Variants in ERC1 observed in about 807,000 individuals in gnomAD.
ERC1 encodes RAB6 interacting protein 2.
A neutral mutation model predicts 132.0 loss-of-function variants in ERC1; 56 were observed. The ratio of observed to expected loss-of-function variants is 0.42; its 90% confidence interval spans 0.34 to 0.53. The LOEUF (loss-of-function observed/expected upper bound fraction) is 0.53, where lower values mean the gene tolerates loss of function less well. Among genes scored for constraint, ERC1 ranks in the 20% least tolerant of loss-of-function variants. ERC1 has a pLI of 0.03. For synonymous variants in ERC1, 478 were observed against 476.1 expected (o/e 1.00, Z -0.05); for missense variants, 1,202 against 1,349.9 (o/e 0.89, Z 1.72).
intron 12 of ERC1, among the ~76,000 whole-genome samples, chr12:1,223,652 T>C (rs1020370987): frequency 6.6e-6 from 1 of 152,236 alleles, no homozygotes; most frequent in African/African-American, 2.4e-5. Flanking sequence ...TCTTACACTT[T>C]TGTTTGCTTA....
At chr12:1,285,944 A>G (rs2079014884) in intron 14 of ERC1, among the ~76,000 whole-genome samples, 1 of 152,214 alleles carries the variant, frequency 6.6e-6, no homozygotes, top group Admixed American at 6.5e-5. Flanking sequence ...AAAAATGTGC[A>G]TGAGCAAGTT....
At chr12:1,353,418 G>C (rs749195802) in intron 15 of ERC1, among the ~76,000 whole-genome samples, 12 of 152,162 alleles carry the variant, frequency 7.9e-5, no homozygotes, top group Non-Finnish European at 1.6e-4. Flanking sequence ...TTCTTTTATG[G>C]AGCTTAAAGG....
Position 1,028,455 on chromosome 12 carries a change from T to C in ERC1, c.552T>C (p.Asn184=), listed in dbSNP as rs766676015. 2.5e-6 allele frequency: 4 copies of C among 1,613,990 alleles called. No individual in the cohort carries two copies. The South Asian group carries it at 3.3e-5, about 13-fold the overall frequency. Residue 184 remains asparagine (N), a synonymous_variant, in exon 2 of 19, where the codon AAT becomes AAC. Transcript: ENST00000360905. ...VKESKLSSSM[N]SIKTFWSPEL... is the part of the protein sequence containing the mutation. ...AGAGCAAATTGAGTTCTTCAATGAA[T>C]AGCATCAAGACCTTCTGGAGCCCAG...
chr12:1,094,959 G>A (rs969116882), intron 3 of ERC1, among the ~76,000 whole-genome samples: 3 of 152,136 alleles, frequency 2.0e-5, no homozygotes, highest in South Asian at 4.2e-4. Flanking sequence ...GGGACTTCCC[G>A]AACAATGTGG....
At chr12:1,061,895 T>C (rs894550912) in intron 2 of ERC1, among the ~76,000 whole-genome samples, 5 of 152,066 alleles carry the variant, frequency 3.3e-5, no homozygotes, top group African/African-American at 1.2e-4. Flanking sequence ...TCTTTTTTGA[T>C]ATAAGTATTT....
At chr12:1,448,095 A>G (rs736098) in intron 18 of ERC1, among the ~76,000 whole-genome samples, 1,746 of 152,344 alleles carry the variant, frequency 0.011, 22 homozygotes, top group African/African-American at 0.038. Context: ...TTTTTCAGCA[A>G]GTTTTGAGTG....
chr12:1,174,129 A>G (rs1427639012), intron 8 of ERC1, among the ~76,000 whole-genome samples: 1 of 152,252 alleles, frequency 6.6e-6, no homozygotes, highest in Non-Finnish European at 1.5e-5. Flanking sequence ...ATAAACGGAA[A>G]GAGAAGTATT....
Position 1,210,515 on chromosome 12 carries a change from A to G in ERC1, c.2351+20463A>G, listed in dbSNP as rs180864135. 1.1e-3 allele frequency among the ~76,000 whole-genome samples: 160 copies of G among 152,296 alleles called. 1 individual carries two copies. In the Middle Eastern group the frequency reaches 0.014, roughly 13 times the overall value. On this transcript the variant is annotated intron_variant, in intron 12 of 18. Transcript: ENST00000360905. ...GATCTCAAAACTAGTTCTTTTTGCA[A>G]GCAGATCTCATCTTTAAGGTGTAGT...
chr12:1,177,446 G>A (rs1278242164), intron 8 of ERC1, among the ~76,000 whole-genome samples: 2 of 152,122 alleles, frequency 1.3e-5, no homozygotes, highest in African/African-American at 4.8e-5. Flanking sequence ...CCTTCTCCCT[G>A]ACTATTTAGA....
At chr12:1,287,830 T>G (rs2079142606) in intron 14 of ERC1, among the ~76,000 whole-genome samples, 1 of 152,228 alleles carries the variant, frequency 6.6e-6, no homozygotes. Flanking sequence ...TTTCTTATAA[T>G]AAGTCTTTAT....
chr12:1,092,248 C>T (rs1279862772), intron 3 of ERC1, among the ~76,000 whole-genome samples: 3 of 152,248 alleles, frequency 2.0e-5, no homozygotes, highest in Non-Finnish European at 2.9e-5. Flanking sequence ...CCGCCCGCCT[C>T]GGCCTCCTAA....
At chr12:1,446,662 A>G (rs531847528) in intron 18 of ERC1, among the ~76,000 whole-genome samples, 1 of 152,316 alleles carries the variant, frequency 6.6e-6, no homozygotes, top group South Asian at 2.1e-4. Flanking sequence ...AAGAAATGCA[A>G]ACTGGTGAGC....
chr12:1,104,815 T>C lies in ERC1; in HGVS notation c.1152T>C (p.Ile384=), dbSNP rs1332683577. The C allele has an allele frequency of 1.2e-6, 2 of 1,610,210 alleles. No homozygotes were observed. Among genetic ancestry groups the C allele is most frequent in the East Asian group, 2.2e-5 (1 of 44,854 alleles). The change falls in exon 4 of 19, where the codon ATT becomes ATC. Residue 384 remains isoleucine (I), a synonymous_variant. Transcript: ENST00000360905. ...SAKTKALQTV[I]EMKDSKISSM... The stretch of plus-strand genomic sequence containing the variant: ...AAACAAAAGCTCTGCAAACTGTTAT[T>C]GAGATGAAGGTAAGTGAGAATCTAG...
In ERC1 at chr12:1,295,834, T is replaced by G. The variant is rs1023716026; in HGVS notation, c.2780+5822T>G. 4.6e-5 allele frequency among the ~76,000 whole-genome samples: 7 copies of G among 151,920 alleles called. No homozygotes were observed. In the South Asian group the frequency reaches 1.2e-3, roughly 27 times the overall value. ...GGAGTCAACTATTAACTGACTTATA[T>G]GTACTAGAATAAAAATCACTGCTCC... On this transcript the variant is annotated intron_variant, in intron 15 of 18. Coordinates refer to ENST00000360905, the MANE Select transcript of ERC1 (RefSeq NM_178040.4).
intron 14 of ERC1, among the ~76,000 whole-genome samples, chr12:1,283,763 A>T (rs2078849720): frequency 1.3e-5 from 2 of 152,172 alleles, no homozygotes; most frequent in Non-Finnish European, 2.9e-5. Flanking sequence ...TGAAAGGTAG[A>T]GATTTTTAAA....
At chr12:1,194,093 A>G (rs1019896758) in intron 12 of ERC1, among the ~76,000 whole-genome samples, 1 of 152,200 alleles carries the variant, frequency 6.6e-6, no homozygotes, top group African/African-American at 2.4e-5. Flanking sequence ...TTAGATTAAT[A>G]GTGAGTAGGC....
intron 16 of ERC1, chr12:1,386,740 A>G (rs973413927): frequency 3.9e-5 from 6 of 151,948 alleles, no homozygotes; most frequent in African/African-American, 1.5e-4. Context: ...ATCTACATCC[A>G]GGAAGCAGAT....
intron 18 of ERC1, among the ~76,000 whole-genome samples, chr12:1,469,841 T>G (rs2093820814): frequency 6.6e-6 from 1 of 151,894 alleles, no homozygotes; most frequent in Non-Finnish European, 1.5e-5. Flanking sequence ...ACTAGTAACA[T>G]GCAACTCCAG....
chr12:1,471,711 T>C (rs2154427769), intron 18 of ERC1, among the ~76,000 whole-genome samples: 1 of 152,308 alleles, frequency 6.6e-6, no homozygotes, highest in South Asian at 2.1e-4. Context: ...AAAATAATGG[T>C]TGACTCTAAC....
Sources: gnomAD v4.1 joint callset for allele counts (sites outside exome capture counted in the v4.1 genomes callset) on GRCh38, gnomAD v4.1.1 for gene constraint, MANE v1.5 for transcripts, NCBI Gene and HGNC (gene_info 2026-07-23, HGNC 2026-07-21) for gene names.